CYP2F1: variants seen among roughly 807,000 people sequenced by gnomAD.
The protein encoded by CYP2F1 is cytochrome P450 family 2 subfamily F member 1.
A neutral mutation model predicts 40.4 loss-of-function variants in CYP2F1; 33 were observed. That is an observed-to-expected ratio of 0.82 (90% CI 0.62 to 1.09). The LOEUF (loss-of-function observed/expected upper bound fraction) is 1.09, where lower values mean the gene tolerates loss of function less well. Ranked by LOEUF, CYP2F1 falls within the 50% of genes least tolerant of loss-of-function variation. The pLI, the probability that CYP2F1 is intolerant of heterozygous loss-of-function variation, is 0.00. For missense variants in CYP2F1, 566 were observed against 655.7 expected, an observed-to-expected ratio of 0.86 and a Z score of 1.49; for synonymous variants, 235 against 277.2, an observed-to-expected ratio of 0.85 and a Z score of 1.51.
intron 7 of CYP2F1, chr19:41,123,267 G>A (rs759966469): frequency 7.6e-5 from 36 of 475,658 alleles, no homozygotes; most frequent in South Asian, 5.4e-4. Context: ...GCGTGATCTC[G>A]ATCCGCTCAC....
At position 41,121,961 on chromosome 19, in the gene CYP2F1, A is replaced by G. The variant is rs752564525; in HGVS notation, c.650A>G (p.Tyr217Cys). 455 of 1,612,814 alleles carry G rather than the reference A, an allele frequency of 2.8e-4. No homozygotes were observed. Among genetic ancestry groups the G allele is most frequent in the Non-Finnish European group, 3.7e-4 (433 of 1,179,582 alleles). The change falls in exon 6 of 10, where the codon TAC (tyrosine) becomes TGC (cysteine). Residue 217 changes from tyrosine (Y) to cysteine (C), a missense_variant. Physicochemically the swap from Tyr to Cys is radical, Grantham distance 194 (BLOSUM62 -2). Around this residue, in one of 5 missense-constraint regions of CYP2F1, gnomAD observed 264 missense variants for 275.7 expected, o/e 0.96. Coordinates refer to ENST00000331105, the MANE Select transcript of CYP2F1 (RefSeq NM_000774.5). Reference protein sequence around the residue: ...QIMSSPWGELYDIFPSLLDWV... With the variant: ...QIMSSPWGELCDIFPSLLDWV... ...CCTACTCTGTCTGGTCCCCAGTTGT[A>G]CGACATCTTCCCGAGCCTCCTGGAC...
At chr19:41,124,217 C>G (rs2032394633) in intron 7 of CYP2F1, among the ~76,000 whole-genome samples, 1 of 148,546 alleles carries the variant, frequency 6.7e-6, no homozygotes, top group African/African-American at 2.5e-5. Context: ...CTCCCAGACC[C>G]TGGCTAATTC....
intron 3 of CYP2F1, among the ~76,000 whole-genome samples, chr19:41,119,807 G>A (rs1401530139): frequency 7.6e-6 from 1 of 131,982 alleles, no homozygotes; most frequent in Non-Finnish European, 1.6e-5. Context: ...TGGGCGTGGT[G>A]GTGCACACCT....
In CYP2F1 at chr19:41,124,731, A is replaced by G. The variant is rs1233320731; in HGVS notation, c.977A>G (p.Glu326Gly). The change falls in exon 8 of 10, where the codon GAG becomes GGG. Residue 326 changes from glutamate to glycine, a missense_variant. Around this residue, in one of 5 missense-constraint regions of CYP2F1, gnomAD observed 128 missense variants for 121.0 expected, o/e 1.06. Transcript: ENST00000331105. ...KYPKVQARVQ[E>G]EIDLVVGRAR... ...GCTTCCTCTCCAGCCCGCGTGCAGG[A>G]GGAGATCGACCTCGTGGTGGGACGC... The G allele has an allele frequency of 6.2e-7, 1 of 1,602,778 alleles. No homozygotes were observed. The highest frequency in any genetic ancestry group is 8.5e-7 in the Non-Finnish European group (1 of 1,179,252).
At chr19:41,115,619 G>T (rs1440734620) in intron 1 of CYP2F1, among the ~76,000 whole-genome samples, 1 of 152,100 alleles carries the variant, frequency 6.6e-6, no homozygotes, top group African/African-American at 2.4e-5. Flanking sequence ...ATAGATAATA[G>T]ATGATAGATA....
intron 3 of CYP2F1, 45 bp downstream of exon 3, chr19:41,116,662 T>G: frequency 6.3e-7 from 1 of 1,599,580 alleles, no homozygotes; most frequent in Non-Finnish European, 8.5e-7. Flanking sequence ...TTTTCCATAT[T>G]GAGGGAGGGG....
chr19:41,116,482 A>T lies in CYP2F1; in HGVS notation c.199A>T (p.Thr67Ser). The change falls in exon 3 of 10, where the codon ACA becomes TCA. Residue 67 changes from threonine (T) to serine (S), a missense_variant. Coordinates refer to ENST00000331105, the MANE Select transcript of CYP2F1 (RefSeq NM_000774.5). Reference protein sequence around the residue: ...KLSKEYGSMYTVHLGPRRVVV... With the variant: ...KLSKEYGSMYSVHLGPRRVVV... ...GAGCAAGGAGTATGGCTCCATGTAC[A>T]CAGTGCACCTGGGACCCAGGCGGGT... is the stretch of plus-strand genomic sequence containing the variant. 1 of 1,613,544 alleles carries T rather than the reference A, an allele frequency of 6.2e-7. No homozygotes were observed.
At chr19:41,115,317 T>C (rs1169364783) in intron 1 of CYP2F1, among the ~76,000 whole-genome samples, 1 of 152,166 alleles carries the variant, frequency 6.6e-6, no homozygotes, top group Non-Finnish European at 1.5e-5. Context: ...TCTCAGTCAG[T>C]GTCCATCTCA....
intron 3 of CYP2F1, 39 bp from the exon 4 acceptor site, chr19:41,120,308 G>A (rs1411964139): frequency 3.9e-6 from 6 of 1,546,746 alleles, no homozygotes; most frequent in Non-Finnish European, 4.3e-6. Flanking sequence ...GCCTCAGGAT[G>A]AGTTCCCGGT....
chr19:41,119,176 T>C (rs1440358316), intron 3 of CYP2F1, among the ~76,000 whole-genome samples: 2 of 151,780 alleles, frequency 1.3e-5, no homozygotes, highest in Non-Finnish European at 2.9e-5. Context: ...AGGCAGGGGG[T>C]GAAAGTGCTC....
Position 41,120,469 on chromosome 19 carries a change from C to T in CYP2F1, c.457C>T (p.Leu153=). 1 of 1,613,476 alleles carries T rather than the reference C, an allele frequency of 6.2e-7. No homozygotes were observed. The highest frequency in any genetic ancestry group is 8.5e-7 in the Non-Finnish European group (1 of 1,179,854). The change falls in exon 4 of 10, where the codon CTG becomes TTG. Residue 153 remains leucine, a synonymous_variant. Transcript: ENST00000331105. The part of the protein sequence containing the change: ...EERILEEGSF[L]LAELRKTEGE... Reference sequence around the variant, plus strand: ...GCGAATCCTAGAGGAGGGCAGCTTCCTGCTGGCGGAGCTGCGGAAAACTGA... The same window carrying T: ...GCGAATCCTAGAGGAGGGCAGCTTCTTGCTGGCGGAGCTGCGGAAAACTGA...
At position 41,116,288 on chromosome 19, in the gene CYP2F1, C is replaced by A; in HGVS notation, c.100C>A (p.Pro34Thr). The A allele has an allele frequency of 6.2e-7, 1 of 1,614,080 alleles. No homozygotes were observed. Among genetic ancestry groups the A allele is most frequent in the Non-Finnish European group, 8.5e-7 (1 of 1,179,998 alleles). The part of the protein sequence containing the change: ...SRDKGKLPPG[P>T]RPLSILGNLL... ...AGATAAGGGAAAGCTGCCTCCGGGA[C>A]CCAGACCCCTCTCAATCCTGGGAAA... Residue 34 changes from proline (P) to threonine (T), a missense_variant, in exon 2 of 10, where the codon CCC (proline) becomes ACC (threonine). By Grantham distance (38) the Pro-to-Thr change is conservative. Around this residue, in one of 5 missense-constraint regions of CYP2F1, gnomAD observed 264 missense variants for 275.7 expected, o/e 0.96. Transcript: ENST00000331105.
intron 6 of CYP2F1, 45 bp downstream of exon 6, chr19:41,122,178 C>T (rs189643984): frequency 0.018 from 27,483 of 1,488,108 alleles, 1,226 homozygotes; most frequent in African/African-American, 0.17. Flanking sequence ...ACCTGAAATT[C>T]TCCTGCTGCC....
intron 7 of CYP2F1, 131 bp from the exon 8 acceptor site, chr19:41,124,588 C>T: frequency 3.6e-6 from 3 of 832,574 alleles, no homozygotes; most frequent in South Asian, 1.8e-5. Context: ...TCACGTGCGC[C>T]CCAGCAGTGG....
rs767114884 is a variant in CYP2F1, at chr19:41,122,060, A to C, written c.749A>C (p.His250Pro). 7.5e-6 allele frequency: 12 copies of C among 1,610,684 alleles called. No homozygotes were observed. The highest frequency in any genetic ancestry group is 1.0e-5 in the Non-Finnish European group (12 of 1,178,818). ...AGAGACCTCATCGCCCACAGCGTCC[A>C]CGACCACCAGGCCTCGCTAGACCCC... is the stretch of plus-strand genomic sequence containing the variant. The part of the protein sequence containing the change: ...CLRDLIAHSV[H>P]DHQASLDPRS... Residue 250 changes from histidine (H) to proline (P), a missense_variant, in exon 6 of 10, where the codon CAC becomes CCC. By Grantham distance (77) the His-to-Pro change is moderately conservative. Around this residue, in one of 5 missense-constraint regions of CYP2F1, gnomAD observed 62 missense variants for 105.6 expected, o/e 0.59. Coordinates refer to ENST00000331105, the MANE Select transcript of CYP2F1 (RefSeq NM_000774.5).
chr19:41,121,766 G>T, intron 5 of CYP2F1, 148 bp downstream of exon 5: 1 of 696,064 alleles, frequency 1.4e-6, no homozygotes, highest in Non-Finnish European at 2.0e-6. Flanking sequence ...ACACGGCCAC[G>T]CCCACTCCCC....
In CYP2F1 at chr19:41,122,815, A is replaced by G; in HGVS notation, c.823-7A>G. On this transcript the variant is annotated splice_polypyrimidine_tract_variant and splice_region_variant and intron_variant, in intron 6 of 9. Transcript: ENST00000331105. ...TGGCTCACATCCCCACCCCTCTACC[A>G]ATGCAGGAGAAGGAGGACCCACTGA... 1 of 1,527,938 alleles carries G rather than the reference A, an allele frequency of 6.5e-7. No homozygotes were observed. The highest frequency in any genetic ancestry group is 8.8e-7 in the Non-Finnish European group (1 of 1,137,378). 94.6% of individuals were successfully genotyped at this position (1,527,938 alleles called of 1,614,324 possible).
At position 41,128,153 on chromosome 19, in the gene CYP2F1, G is replaced by A. The variant is rs2032620834; in HGVS notation, c.*71G>A. 36 of 1,469,174 alleles carry A rather than the reference G, an allele frequency of 2.5e-5. No homozygotes were observed. In the South Asian group the frequency reaches 4.0e-4, roughly 16 times the overall value. The allele number at this position is 1,469,174 out of a possible 1,614,324, so 91.0% of individuals were successfully genotyped here. A position where few individuals can be genotyped will look rare whatever the true frequency, so the allele number is the denominator to read the frequency against. On this transcript the variant is annotated 3_prime_UTR_variant, in exon 10 of 10. Transcript: ENST00000331105. The stretch of plus-strand genomic sequence containing the variant: ...ATGCGGGTTGCTACGTCCCCTTCTT[G>A]GTCCACAGTCTGCCCTCATCCCTCT...
rs182062302 is a variant in CYP2F1 at position 41,126,922 on chromosome 19, C to T, written c.1295-979C>T. Reference sequence around the variant, plus strand: ...TTTGTTTTTTGGCTTTCCTCTTTACCCTGCTGAAAAACTCCCTCTTTACTC... The same window carrying T: ...TTTGTTTTTTGGCTTTCCTCTTTACTCTGCTGAAAAACTCCCTCTTTACTC... On this transcript the variant is annotated intron_variant, in intron 9 of 9. Transcript: ENST00000331105. Among the ~76,000 whole-genome samples the T allele has an allele frequency of 4.9e-4, 74 of 152,002 alleles. 1 individual carries two copies. In the South Asian group the frequency reaches 0.015, roughly 30 times the overall value.
Sources: allele counts gnomAD v4.1 joint callset (sites outside exome capture counted in the v4.1 genomes callset), GRCh38; gene constraint gnomAD v4.1.1; regional missense constraint gnomAD v4.1.1; transcripts MANE v1.5; gene names NCBI Gene and HGNC (gene_info 2026-07-23, HGNC 2026-07-21).